DNAJC25: variants seen among roughly 807,000 people sequenced by gnomAD.
DNAJC25 encodes the protein dnaJ homolog subfamily C member 25.
Under a neutral mutation model 42.1 loss-of-function variants are expected in DNAJC25, and 26 were observed. The ratio of observed to expected loss-of-function variants is 0.62; its 90% CI spans 0.45 to 0.86. The LOEUF (loss-of-function observed/expected upper bound fraction) is 0.86, where lower values mean the gene tolerates loss of function less well. DNAJC25 is among the 40% of genes least tolerant of loss of function. The pLI is 0.00. For missense variants in DNAJC25, 404 were observed against 459.4 expected, an observed-to-expected ratio of 0.88 and a Z score of 1.10; for synonymous variants, 189 against 179.9, an observed-to-expected ratio of 1.05 and a Z score of -0.40.
intron 1 of DNAJC25, among the ~76,000 whole-genome samples, chr9:111,632,630 A>G (rs1314618927): frequency 6.6e-6 from 1 of 152,048 alleles, no homozygotes; most frequent in Non-Finnish European, 1.5e-5. Context: ...TTACTGCTTG[A>G]AGGGCCCCAT....
At chr9:111,649,363 A>C in intron 2 of DNAJC25, 90 bp from the exon 3 acceptor site, 1 of 1,439,752 alleles carries the variant, frequency 6.9e-7, no homozygotes, top group Non-Finnish European at 9.1e-7. Context: ...GTTTCTTGGG[A>C]GATGGTATTC....
chr9:111,633,384 T>C (rs939828110), intron 1 of DNAJC25, among the ~76,000 whole-genome samples: 3 of 152,212 alleles, frequency 2.0e-5, no homozygotes, highest in Non-Finnish European at 2.9e-5. Context: ...AGGTTAAAGA[T>C]AGTGATATTT....
intron 1 of DNAJC25, among the ~76,000 whole-genome samples, chr9:111,636,669 G>C (rs1830366623): frequency 6.6e-6 from 1 of 152,184 alleles, no homozygotes; most frequent in South Asian, 2.1e-4. Context: ...ACCAAATTAA[G>C]TTAATTTATA....
At chr9:111,641,632 G>A (rs1830468986) in intron 1 of DNAJC25, among the ~76,000 whole-genome samples, 9 of 140,274 alleles carry the variant, frequency 6.4e-5, no homozygotes, top group Non-Finnish European at 9.4e-5. Context: ...AGGTGGGGGG[G>A]TCAGCCCCCC....
In DNAJC25 at chr9:111,649,450, T is replaced by G. The variant is rs552447394; in HGVS notation, c.490-3T>G. The G allele has an allele frequency of 1.3e-6, 2 of 1,566,314 alleles. No individual in the cohort carries two copies. The highest frequency in any genetic ancestry group is 1.7e-6 in the Non-Finnish European group (2 of 1,162,472). On this transcript the variant is annotated splice_region_variant and splice_polypyrimidine_tract_variant and intron_variant, in intron 2 of 3. Coordinates refer to ENST00000313525, the MANE Select transcript of DNAJC25 (RefSeq NM_001015882.3). ...ACTCATTGTTCTCTGTTAATTATTC[T>G]AGTTTTTCAGCTGGTGGAATAGCTA... is the stretch of plus-strand genomic sequence containing the variant.
intron 1 of DNAJC25, among the ~76,000 whole-genome samples, chr9:111,632,371 T>C (rs1240904065): frequency 6.6e-6 from 1 of 152,244 alleles, no homozygotes; most frequent in African/African-American, 2.4e-5. Context: ...TTATGGGGAT[T>C]AAATGATAAG....
chr9:111,642,996 T>TATAAA, intron 1 of DNAJC25: 1 of 460,600 alleles, frequency 2.2e-6, no homozygotes, highest in Non-Finnish European at 4.5e-6. Context: ...AAGAAACAAG[T>TATAAA]ATAAAGGTTT....
chr9:111,642,015 G>A (rs62569899), intron 1 of DNAJC25, among the ~76,000 whole-genome samples: 13,473 of 70,054 alleles, frequency 0.19, 7 homozygotes, highest in African/African-American at 0.28. Flanking sequence ...CCGGCCAGCC[G>A]CCCCGTCCGG....
intron 1 of DNAJC25, among the ~76,000 whole-genome samples, chr9:111,645,118 C>T (rs1830548458): frequency 6.6e-6 from 1 of 152,140 alleles, no homozygotes; most frequent in South Asian, 2.1e-4. Flanking sequence ...CATATTGGCC[C>T]TCCATATAAA....
Position 111,653,259 on chromosome 9 carries a change from T to G in DNAJC25, c.*37T>G, listed in dbSNP as rs1212958611. On this transcript the variant is annotated 3_prime_UTR_variant, in exon 4 of 4. Transcript: ENST00000313525. ...ATGCTACTATGCCAAACCTTAATTGTGATATTATTTTCATAACTGAATTAT... is the reference window on the plus strand; with the variant it reads ...ATGCTACTATGCCAAACCTTAATTGGGATATTATTTTCATAACTGAATTAT... The G allele has an allele frequency of 5.6e-6, 8 of 1,440,764 alleles. No individual in the cohort carries two copies. Among genetic ancestry groups the G allele is most frequent in the Non-Finnish European group, 7.3e-6 (8 of 1,088,692 alleles). 89.2% of individuals were successfully genotyped at this position (1,440,764 alleles called of 1,614,324 possible). A position where few individuals can be genotyped will look rare whatever the true frequency, so the allele number is the denominator to read the frequency against.
At chr9:111,643,689 T>C (rs764614445) in intron 1 of DNAJC25, among the ~76,000 whole-genome samples, 1 of 150,362 alleles carries the variant, frequency 6.7e-6, no homozygotes, top group Non-Finnish European at 1.5e-5. Flanking sequence ...CCTGGTGGCA[T>C]GCAAAGGAAA....
At chr9:111,639,672 T>C (rs1830414637) in intron 1 of DNAJC25, among the ~76,000 whole-genome samples, 1 of 149,500 alleles carries the variant, frequency 6.7e-6, no homozygotes, top group Admixed American at 6.7e-5. Context: ...TTTTGAAGGA[T>C]CATTTCAAAA....
intron 3 of DNAJC25, among the ~76,000 whole-genome samples, 153 bp downstream of exon 3, chr9:111,650,076 A>G (rs532287503): frequency 1.3e-5 from 2 of 152,328 alleles, no homozygotes; most frequent in South Asian, 2.1e-4. Flanking sequence ...GTAGGACTCT[A>G]TTTGGTAGTG....
intron 2 of DNAJC25, among the ~76,000 whole-genome samples, chr9:111,648,282 G>A (rs1056054952): frequency 3.0e-4 from 45 of 148,438 alleles, no homozygotes; most frequent in African/African-American, 1.1e-3. Context: ...TTTTTTTAGA[G>A]ATGGAGTCTC....
chr9:111,633,581 G>A (rs1302646626), intron 1 of DNAJC25, among the ~76,000 whole-genome samples: 1 of 152,178 alleles, frequency 6.6e-6, no homozygotes, highest in Admixed American at 6.5e-5. Flanking sequence ...CCAGAAGAGA[G>A]GGCAGCAGAA....
intron 1 of DNAJC25, among the ~76,000 whole-genome samples, 191 bp downstream of exon 1, chr9:111,631,934 G>C (rs976694086): frequency 1.3e-5 from 2 of 152,240 alleles, no homozygotes; most frequent in Admixed American, 6.5e-5. Context: ...CGGGGCCTTG[G>C]GGGGCACAGC....
At chr9:111,642,210 C>T (rs2131263348) in intron 1 of DNAJC25, among the ~76,000 whole-genome samples, 2 of 142,606 alleles carry the variant, frequency 1.4e-5, no homozygotes, top group Non-Finnish European at 3.1e-5. Context: ...GGATGGTTGC[C>T]GTGTCTGTGT....
chr9:111,651,263 CA>C (rs10555875), intron 3 of DNAJC25, among the ~76,000 whole-genome samples: 31,453 of 104,932 alleles, frequency 0.3, 3,422 homozygotes, highest in East Asian at 0.47. Flanking sequence ...GACTCTATCT[CA>C]AAAAAAAAAA....
intron 1 of DNAJC25, among the ~76,000 whole-genome samples, chr9:111,645,311 G>A (rs1830552750): frequency 2.0e-5 from 3 of 151,008 alleles, no homozygotes; most frequent in Admixed American, 2.0e-4. Flanking sequence ...CTGGAGTGCA[G>A]TGGTACAGTC....
Sources: gnomAD v4.1 joint callset for allele counts (sites outside exome capture counted in the v4.1 genomes callset) on GRCh38, gnomAD v4.1.1 for gene constraint, MANE v1.5 for transcripts, NCBI Gene and HGNC (gene_info 2026-07-23, HGNC 2026-07-21) for gene names.